CSRNP3: variants seen among roughly 807,000 people sequenced by gnomAD.
CSRNP3 encodes cysteine/serine-rich nuclear protein 3.
In CSRNP3, 12 loss-of-function variants were observed where a neutral mutation model predicts 48.0. That is an observed-to-expected ratio of 0.25 (90% CI 0.16 to 0.41). The LOEUF (loss-of-function observed/expected upper bound fraction) is 0.41. Among genes scored for constraint, CSRNP3 ranks in the 10% least tolerant of loss-of-function variants. The pLI is 1.00. For synonymous variants in CSRNP3, 263 were observed against 269.7 expected, an observed-to-expected ratio of 0.98 and a Z score of 0.24; for missense variants, 580 against 724.4, an observed-to-expected ratio of 0.80 and a Z score of 2.29.
intron 3 of CSRNP3, among the ~76,000 whole-genome samples, chr2:165,572,027 A>G (rs1685380241): frequency 6.6e-6 from 1 of 152,178 alleles, no homozygotes; most frequent in Non-Finnish European, 1.5e-5. Context: ...GTACAAAAGT[A>G]CTTTCAGAAA....
At chr2:165,648,255 T>C (rs1195134627) in intron 4 of CSRNP3, among the ~76,000 whole-genome samples, 2 of 152,132 alleles carry the variant, frequency 1.3e-5, no homozygotes, top group African/African-American at 2.4e-5. Flanking sequence ...AAATCATATA[T>C]CTAAATTAGA....
At chr2:165,650,378 G>A (rs751117379) in intron 4 of CSRNP3, among the ~76,000 whole-genome samples, 6 of 152,156 alleles carry the variant, frequency 3.9e-5, no homozygotes, top group Non-Finnish European at 7.3e-5. Context: ...AGATCAGGTA[G>A]GTGACACAGT....
At chr2:165,598,488 A>G (rs1685847643) in intron 4 of CSRNP3, among the ~76,000 whole-genome samples, 1 of 152,192 alleles carries the variant, frequency 6.6e-6, no homozygotes, top group Non-Finnish European at 1.5e-5. Flanking sequence ...CAAGGTGTCC[A>G]ACTTAAACTG....
At chr2:165,643,467 A>C (rs779216595) in intron 4 of CSRNP3, among the ~76,000 whole-genome samples, 1 of 152,146 alleles carries the variant, frequency 6.6e-6, no homozygotes, top group Non-Finnish European at 1.5e-5. Context: ...GCCCCTCCAC[A>C]TTGCCCCTGT....
chr2:165,652,592 G>C (rs1019174800), intron 4 of CSRNP3, among the ~76,000 whole-genome samples: 2 of 152,012 alleles, frequency 1.3e-5, no homozygotes, highest in African/African-American at 2.4e-5. Context: ...ACCCAGACTG[G>C]AGCGCAGTAG....
intron 3 of CSRNP3, among the ~76,000 whole-genome samples, chr2:165,555,924 G>C (rs1392192770): frequency 6.6e-6 from 1 of 152,178 alleles, no homozygotes; most frequent in East Asian, 1.9e-4. Context: ...GTGGAGTCCA[G>C]ATGGTGGAGG....
At chr2:165,586,941 T>G (rs1685642768) in intron 3 of CSRNP3, among the ~76,000 whole-genome samples, 1 of 152,214 alleles carries the variant, frequency 6.6e-6, no homozygotes, top group Admixed American at 6.5e-5. Context: ...GCTTCTGATA[T>G]TTTCCCTTTG....
Position 165,687,247 on chromosome 2 carries a change from AT to A in CSRNP3, c.*7496del, listed in dbSNP as rs1268825984. 6.6e-6 allele frequency: 1 copy of A among 152,118 alleles called. No homozygotes were observed. Among genetic ancestry groups the A allele is most frequent in the African/African-American group, 2.4e-5 (1 of 41,436 alleles). The allele number at this position is 152,118 out of a possible 1,614,324, so 9.4% of individuals were successfully genotyped here. ...ATCAGATTTTTAAAGAAAGACACGG[AT>A]TCAGAGACAATGGTCTGTAACATGA... On this transcript the variant is annotated 3_prime_UTR_variant, in exon 7 of 7. Coordinates refer to ENST00000651982, the MANE Select transcript of CSRNP3 (RefSeq NM_001172173.2).
intron 4 of CSRNP3, among the ~76,000 whole-genome samples, chr2:165,653,959 C>T (rs202105874): frequency 2.5e-5 from 2 of 79,820 alleles, no homozygotes; most frequent in South Asian, 4.1e-4. Context: ...GCAACAAGAG[C>T]GAAGCTCTAT....
In CSRNP3 at chr2:165,679,727, C is replaced by A; in HGVS notation, c.1732C>A (p.Pro578Thr). ...ATTGCATGAAGAGTGCATCAAATCA[C>A]CCGTGGTTGAGACAGTCCCTGTTTA... ...SILHEECIKS[P>T]VVETVPV is the part of the protein sequence containing the mutation. The change falls in exon 7 of 7, where the codon CCC becomes ACC. Residue 578 changes from proline (P) to threonine (T), a missense_variant. This residue lies in a region of CSRNP3 where 369 missense variants were observed against 380.8 expected (regional missense o/e 0.97). Transcript: ENST00000651982. 1 of 1,613,692 alleles carries A rather than the reference C, an allele frequency of 6.2e-7. No individual in the cohort carries two copies. The highest frequency in any genetic ancestry group is 1.1e-5 in the South Asian group (1 of 91,060).
chr2:165,644,079 G>A (rs1485111537), intron 4 of CSRNP3, among the ~76,000 whole-genome samples: 3 of 152,082 alleles, frequency 2.0e-5, no homozygotes, highest in Non-Finnish European at 2.9e-5. Context: ...TAATATTCAG[G>A]TAACTCTTCC....
Position 165,683,727 on chromosome 2 carries a change from T to C in CSRNP3, c.*3974T>C, listed in dbSNP as rs1300609739. On this transcript the variant is annotated 3_prime_UTR_variant, in exon 7 of 7. Coordinates refer to ENST00000651982, the MANE Select transcript of CSRNP3 (RefSeq NM_001172173.2). ...AAGAGGGGAACACTACAAATTATAA[T>C]GGATAATATTAATGAAGGGTGGCAT... The C allele has an allele frequency of 2.0e-5, 3 of 152,048 alleles. No homozygotes were observed. Among genetic ancestry groups the C allele is most frequent in the Admixed American group, 6.6e-5 (1 of 15,236 alleles). 9.4% of individuals were successfully genotyped at this position (152,048 alleles called of 1,614,324 possible).
At chr2:165,481,733 G>T (rs1018326802) in intron 1 of CSRNP3, among the ~76,000 whole-genome samples, 4 of 152,100 alleles carry the variant, frequency 2.6e-5, no homozygotes, top group Non-Finnish European at 5.9e-5. Context: ...GTACCAGTGG[G>T]GTAGGGAGTA....
chr2:165,682,410 A>G lies in CSRNP3; in HGVS notation c.*2657A>G, dbSNP rs1416158354. 1 of 152,120 alleles carries G rather than the reference A, an allele frequency of 6.6e-6. No homozygotes were observed. Among genetic ancestry groups the G allele is most frequent in the Middle Eastern group, 3.2e-3 (1 of 316 alleles). The allele number at this position is 152,120 out of a possible 1,614,324, so 9.4% of individuals were successfully genotyped here. A position where few individuals can be genotyped will look rare whatever the true frequency, so the allele number is the denominator to read the frequency against. On this transcript the variant is annotated 3_prime_UTR_variant, in exon 7 of 7. Coordinates refer to ENST00000651982, the MANE Select transcript of CSRNP3 (RefSeq NM_001172173.2). ...CACAAACCACATACACAGGCTACCT[A>G]TTAAAACTCTCCCATATACCTAACA... is the stretch of plus-strand genomic sequence containing the variant.
intron 3 of CSRNP3, among the ~76,000 whole-genome samples, chr2:165,585,299 C>T (rs1685610586): frequency 6.6e-6 from 1 of 151,092 alleles, no homozygotes; most frequent in Non-Finnish European, 1.5e-5. Flanking sequence ...TCCTCTTCAT[C>T]TTCTATCTGG....
chr2:165,676,753 C>T, intron 6 of CSRNP3, 145 bp downstream of exon 6: 1 of 635,382 alleles, frequency 1.6e-6, no homozygotes, highest in Non-Finnish European at 2.7e-6. Context: ...GGAAGAAAGA[C>T]ATAATTCAGG....
chr2:165,586,691 A>G (rs1479702553), intron 3 of CSRNP3, among the ~76,000 whole-genome samples: 1 of 152,210 alleles, frequency 6.6e-6, no homozygotes, highest in Non-Finnish European at 1.5e-5. Flanking sequence ...TAGGGGCAAA[A>G]TATAAGAAGA....
intron 3 of CSRNP3, among the ~76,000 whole-genome samples, chr2:165,540,869 T>C (rs1684947512): frequency 6.6e-6 from 1 of 152,088 alleles, no homozygotes; most frequent in Admixed American, 6.6e-5. Flanking sequence ...TATTTATCTT[T>C]AATATAGTTT....
At chr2:165,607,885 T>G (rs1686058047) in intron 4 of CSRNP3, among the ~76,000 whole-genome samples, 1 of 151,986 alleles carries the variant, frequency 6.6e-6, no homozygotes, top group Non-Finnish European at 1.5e-5. Context: ...TGTTTCTTCT[T>G]TCGCAAAATG....
Sources: allele counts gnomAD v4.1 joint callset (sites outside exome capture counted in the v4.1 genomes callset), GRCh38; gene constraint gnomAD v4.1.1; regional missense constraint gnomAD v4.1.1; transcripts MANE v1.5; gene names NCBI Gene and HGNC (gene_info 2026-07-23, HGNC 2026-07-21).